The following CSGALNACT1 variants were observed in gnomAD, a reference collection of about 807,000 sequenced individuals.
CSGALNACT1 encodes the protein beta4GalNAcT-1.
CSGALNACT1 carries 52 observed loss-of-function variants against 51.0 expected under a neutral mutation model. The ratio of observed to expected loss-of-function variants is 1.02; its 90% confidence interval spans 0.82 to 1.29. The LOEUF (loss-of-function observed/expected upper bound fraction) is 1.29, where lower values mean the gene tolerates loss of function less well. Among genes scored for constraint, CSGALNACT1 ranks in the 50% most tolerant of loss-of-function variants. The pLI, the probability that CSGALNACT1 is intolerant of heterozygous loss-of-function variation, is 0.00. For missense variants in CSGALNACT1, 935 were observed against 679.2 expected (o/e 1.38, Z -4.19); for synonymous variants, 341 against 254.4 (o/e 1.34, Z -3.24).
At chr8:19,731,255 C>T (rs1314711697) in intron 1 of CSGALNACT1, among the ~76,000 whole-genome samples, 1 of 152,082 alleles carries the variant, frequency 6.6e-6, no homozygotes, top group African/African-American at 2.4e-5. Context: ...TGCCTGTAAT[C>T]CCAGCACTTT....
chr8:19,624,472 A>T (rs1326572039), intron 1 of CSGALNACT1, among the ~76,000 whole-genome samples: 3 of 152,188 alleles, frequency 2.0e-5, no homozygotes, highest in Admixed American at 6.5e-5. Context: ...TTAAGTGTTT[A>T]AAAATAGCCA....
chr8:19,427,222 G>A (rs959835843), intron 6 of CSGALNACT1, among the ~76,000 whole-genome samples: 1 of 152,190 alleles, frequency 6.6e-6, no homozygotes, highest in African/African-American at 2.4e-5. Flanking sequence ...ATGAGGCACA[G>A]TTCATTAAGA....
chr8:19,471,773 A>T (rs1205569353), intron 4 of CSGALNACT1, among the ~76,000 whole-genome samples: 3 of 152,146 alleles, frequency 2.0e-5, no homozygotes, highest in African/African-American at 7.2e-5. Context: ...GAAGTGAGAA[A>T]ACTCAACGGA....
chr8:19,534,539 A>G (rs1395686824), intron 3 of CSGALNACT1, among the ~76,000 whole-genome samples: 4 of 152,294 alleles, frequency 2.6e-5, no homozygotes, highest in African/African-American at 9.6e-5. Context: ...ATTGCTGTAG[A>G]TGGTGGTGCA....
intron 3 of CSGALNACT1, among the ~76,000 whole-genome samples, chr8:19,519,820 A>G (rs1286294146): frequency 1.3e-5 from 2 of 152,070 alleles, no homozygotes; most frequent in Non-Finnish European, 2.9e-5. Flanking sequence ...TCCACCCACA[A>G]TCCTTGGCAC....
rs374630476 is a variant in CSGALNACT1, at chr8:19,509,962, G to T, written c.-296-3832C>A. 1.2e-3 allele frequency among the ~76,000 whole-genome samples: 189 copies of T among 152,286 alleles called. 3 individuals carry two copies. The South Asian group carries it at 0.034, about 28-fold the overall frequency. Reference sequence around the variant, plus strand: ...CCAGGTCAATCTCTTGGGGGTGGCTGTGGGACAGAGAGAGTAGGGAGCAAG... The same window carrying T: ...CCAGGTCAATCTCTTGGGGGTGGCTTTGGGACAGAGAGAGTAGGGAGCAAG... On this transcript the variant is annotated intron_variant, in intron 3 of 9. Coordinates refer to ENST00000454498, the Ensembl canonical transcript of CSGALNACT1.
At chr8:19,504,322 T>G (rs985573013) in intron 4 of CSGALNACT1, among the ~76,000 whole-genome samples, 12 of 152,278 alleles carry the variant, frequency 7.9e-5, no homozygotes, top group African/African-American at 2.9e-4. Context: ...ATGATCCGCC[T>G]GCCTGGGCCT....
chr8:19,757,364 A>C lies in CSGALNACT1; in HGVS notation c.-297+486T>G, dbSNP rs989845556. On this transcript the variant is annotated intron_variant, in intron 1 of 1. Transcript: ENST00000517494. This position sits in a 1 kb window ranked among gnomAD's most constrained non-coding sequence, Gnocchi z 4.0. Reference sequence around the variant, plus strand: ...GGCGGCGGCTCGGGCGGGCGGGCGCAACAGCGGCCAAGCCTGGCGCCCCGC... The same window carrying C: ...GGCGGCGGCTCGGGCGGGCGGGCGCCACAGCGGCCAAGCCTGGCGCCCCGC... The C allele has an allele frequency of 6.6e-6, 1 of 151,332 alleles. No homozygotes were observed. The highest frequency in any genetic ancestry group is 2.4e-5 in the African/African-American group (1 of 41,224). The allele number at this position is 151,332 out of a possible 1,614,324, so 9.4% of individuals were successfully genotyped here.
chr8:19,504,752 C>T (rs2153993988), intron 4 of CSGALNACT1, among the ~76,000 whole-genome samples: 1 of 152,328 alleles, frequency 6.6e-6, no homozygotes, highest in East Asian at 1.9e-4. Context: ...ATTACACCTC[C>T]ATTTCCTCAT....
At chr8:19,542,517 G>A (rs553001173) in intron 3 of CSGALNACT1, among the ~76,000 whole-genome samples, 3 of 152,114 alleles carry the variant, frequency 2.0e-5, no homozygotes, top group South Asian at 2.1e-4. Context: ...CTGCTGCCCC[G>A]ACTCTTTTCA....
intron 1 of CSGALNACT1, among the ~76,000 whole-genome samples, chr8:19,748,992 C>G (rs1257768926): frequency 1.3e-5 from 2 of 151,846 alleles, no homozygotes; most frequent in African/African-American, 4.8e-5. Flanking sequence ...AAGGAACTTG[C>G]CCAAGTTCAC....
In CSGALNACT1 at chr8:19,728,819, AC is replaced by A. The variant is rs561540284; in HGVS notation, c.-297+29030del. Among the ~76,000 whole-genome samples the A allele has an allele frequency of 2.0e-4, 30 of 152,162 alleles. 1 individual carries two copies. Among genetic ancestry groups the A allele is most frequent in the Middle Eastern group, 3.4e-3 (1 of 294 alleles). ...GACTGCACTGTGGAAAAAAATGGTA[AC>A]CTTTTCCTCAACCCCCAAAAGGCGT... On this transcript the variant is annotated intron_variant, in intron 1 of 1. Transcript: ENST00000517494.
At chr8:19,450,322 G>A (rs2153798311) in intron 5 of CSGALNACT1, among the ~76,000 whole-genome samples, 1 of 151,526 alleles carries the variant, frequency 6.6e-6, no homozygotes, top group East Asian at 2.0e-4. Flanking sequence ...AGGAGGAGGA[G>A]GAGAGGAAGA....
intron 1 of CSGALNACT1, among the ~76,000 whole-genome samples, chr8:19,663,612 A>G (rs1288188919): frequency 1.3e-5 from 2 of 152,216 alleles, no homozygotes; most frequent in Non-Finnish European, 2.9e-5. Flanking sequence ...CTTCAAATTC[A>G]CATCCTGTAC....
intron 3 of CSGALNACT1, among the ~76,000 whole-genome samples, chr8:19,536,498 A>T (rs2083781776): frequency 6.6e-6 from 1 of 152,176 alleles, no homozygotes. Context: ...AAACTACAAG[A>T]CACAGATGAA....
At chr8:19,698,853 G>T (rs893310113) in intron 1 of CSGALNACT1, among the ~76,000 whole-genome samples, 9 of 152,104 alleles carry the variant, frequency 5.9e-5, no homozygotes, top group Non-Finnish European at 1.0e-4. Context: ...ATGGGGGACT[G>T]GTTCCAGGAC....
intron 3 of CSGALNACT1, among the ~76,000 whole-genome samples, chr8:19,547,405 T>C (rs2086719510): frequency 6.6e-6 from 1 of 151,066 alleles, no homozygotes; most frequent in South Asian, 2.1e-4. Context: ...TCCCATGTTT[T>C]GTGGGAGAGA....
Position 19,466,559 on chromosome 8 carries a change from T to C in CSGALNACT1, c.635-7917A>G, listed in dbSNP as rs1046746290. Among the ~76,000 whole-genome samples, 4 of 152,200 alleles carry C rather than the reference T, an allele frequency of 2.6e-5. No individual in the cohort carries two copies. The East Asian group carries it at 7.7e-4, about 29-fold the overall frequency. On this transcript the variant is annotated intron_variant, in intron 4 of 9. Coordinates refer to ENST00000454498, the Ensembl canonical transcript of CSGALNACT1. ...GTCTCACTTATCCAGAAAATTCTGC[T>C]CAGATGGCATATCGCATTCCCAGAT...
intron 1 of CSGALNACT1, among the ~76,000 whole-genome samples, chr8:19,711,236 AAGAT>A (rs1233425722): frequency 1.3e-5 from 2 of 152,212 alleles, no homozygotes; most frequent in Non-Finnish European, 2.9e-5. Flanking sequence ...GGAGGAAAAA[AAGAT>A]AGAAGCTGAA....
Sources: allele counts gnomAD v4.1 joint callset (sites outside exome capture counted in the v4.1 genomes callset), GRCh38; gene constraint gnomAD v4.1.1; non-coding constraint Gnocchi (gnomAD v3.1); transcripts MANE v1.5; gene names NCBI Gene and HGNC (gene_info 2026-07-23, HGNC 2026-07-21).